The following MYO7B variants were observed in gnomAD, a reference collection of about 807,000 sequenced individuals.
The protein encoded by MYO7B is unconventional myosin-VIIb.
MYO7B carries 212 observed loss-of-function variants against 259.7 expected under a neutral mutation model. The observed-to-expected ratio is 0.82, with a 90% confidence interval of 0.73 to 0.91. The LOEUF (loss-of-function observed/expected upper bound fraction) is 0.91, where lower values mean the gene tolerates loss of function less well. Ranked by LOEUF, MYO7B falls within the 40% of genes least tolerant of loss-of-function variation. The pLI is 0.00. For synonymous variants in MYO7B, 1,197 were observed against 1,166.4 expected (o/e 1.03, Z -0.54); for missense variants, 2,732 against 2,813.5 (o/e 0.97, Z 0.66).
rs531705512 is a variant in MYO7B at position 127,571,988 on chromosome 2, C to T, written c.593-1932C>T. Among the ~76,000 whole-genome samples, 13 of 152,234 alleles carry T rather than the reference C, an allele frequency of 8.5e-5. No homozygotes were observed. The South Asian group carries it at 1.9e-3, about 22-fold the overall frequency. On this transcript the variant is annotated intron_variant, in intron 6 of 47. Coordinates refer to ENST00000409816, the MANE Select transcript of MYO7B (RefSeq NM_001393586.1). ...TTGTGTTGTATCTAAGAAATCTTTG[C>T]CTAACCCAGAGATTTTCTCCTATGT...
chr2:127,616,462 A>G (rs1206042686), intron 26 of MYO7B, among the ~76,000 whole-genome samples: 1 of 152,218 alleles, frequency 6.6e-6, no homozygotes, highest in African/African-American at 2.4e-5. Flanking sequence ...TCCCGGTTCA[A>G]AAACCCAAAG....
chr2:127,565,538 C>T lies in MYO7B; in HGVS notation c.285+153C>T, dbSNP rs190580950. 6.6e-5 allele frequency among the ~76,000 whole-genome samples: 10 copies of T among 152,330 alleles called. No homozygotes were observed. The East Asian group carries it at 1.7e-3, about 26-fold the overall frequency. ...GCCTAACTTTTCCCAATCTCTGCTGCCCAGTCCCAAACAAGGAGGGTGATC... is the reference window on the plus strand; with the variant it reads ...GCCTAACTTTTCCCAATCTCTGCTGTCCAGTCCCAAACAAGGAGGGTGATC... On this transcript the variant is annotated intron_variant, in intron 4 of 47. Coordinates refer to ENST00000409816, the MANE Select transcript of MYO7B (RefSeq NM_001393586.1).
intron 1 of MYO7B, among the ~76,000 whole-genome samples, chr2:127,542,827 A>G (rs538331097): frequency 6.6e-6 from 1 of 152,306 alleles, no homozygotes; most frequent in Non-Finnish European, 1.5e-5. Flanking sequence ...GGGAGAAGGT[A>G]GGCAGGAAAA....
At position 127,569,784 on chromosome 2, in the gene MYO7B, T is replaced by C. The variant is rs1275724384; in HGVS notation, c.471-5T>C. The C allele has an allele frequency of 6.2e-7, 1 of 1,609,662 alleles. No individual in the cohort carries two copies. Among genetic ancestry groups the C allele is most frequent in the Non-Finnish European group, 8.5e-7 (1 of 1,177,224 alleles). On this transcript the variant is annotated splice_region_variant and splice_polypyrimidine_tract_variant and intron_variant, in intron 5 of 47. Transcript: ENST00000409816. ...GCATCATGTCCCTGCACACCCTTTT[T>C]GCAGCGGCGAGTCTGGGGCTGGCAA...
chr2:127,596,362 A>C (rs2104989487), intron 18 of MYO7B, 100 bp from the exon 19 acceptor site: 1 of 963,674 alleles, frequency 1.0e-6, no homozygotes, highest in East Asian at 2.6e-5. Flanking sequence ...TCCTGGGAGA[A>C]GCCTGAGAGA....
chr2:127,589,841 G>T (rs1229674576), intron 15 of MYO7B, among the ~76,000 whole-genome samples: 3 of 128,708 alleles, frequency 2.3e-5, no homozygotes, highest in Non-Finnish European at 5.0e-5. Context: ...GGGTGAGTGG[G>T]TGGATGGGTG....
chr2:127,627,486 C>T lies in MYO7B; in HGVS notation c.4460+176C>T, dbSNP rs1288077209. ...TACTTCGGAGCCCCACCCTCCTGCA[C>T]CAGGCCGTACTGCCCATGAAGTACT... On this transcript the variant is annotated intron_variant, in intron 33 of 47. Transcript: ENST00000409816. This position sits in a 1 kb window ranked among gnomAD's most constrained non-coding sequence, Gnocchi z 5.6. The T allele has an allele frequency of 4.6e-6, 4 of 868,660 alleles. No homozygotes were observed. Among genetic ancestry groups the T allele is most frequent in the Admixed American group, 4.0e-5 (2 of 49,550 alleles). The allele number at this position is 868,660 out of a possible 1,614,324, so 53.8% of individuals were successfully genotyped here. A position where few individuals can be genotyped will look rare whatever the true frequency, so the allele number is the denominator to read the frequency against.
chr2:127,612,538 G>T lies in MYO7B; in HGVS notation c.3333G>T (p.Arg1111=). The T allele has an allele frequency of 6.3e-7, 1 of 1,591,190 alleles. No homozygotes were observed. The change falls in exon 26 of 48, where the codon CGG becomes CGT. Residue 1111 remains arginine (R), a synonymous_variant. Transcript: ENST00000409816. ...ALEPDGLGAD[R]PMSNLEKVHF... The stretch of plus-strand genomic sequence containing the variant: ...AGCCTGATGGCCTTGGTGCAGACCG[G>T]CCCATGTCCAACCTGGAGAAGGTGC...
At chr2:127,637,176 G>A (rs1681883401) in intron 47 of MYO7B, 140 bp from the exon 48 acceptor site, 2 of 889,698 alleles carry the variant, frequency 2.2e-6, no homozygotes, top group Non-Finnish European at 3.7e-6. Context: ...AGAAATGACG[G>A]CCCCAATGGC....
At position 127,539,193 on chromosome 2, in the gene MYO7B, G is replaced by A. The variant is rs1360168481; in HGVS notation, c.-24+3362G>A. Reference sequence around the variant, plus strand: ...ACTAAACAAAACAGAGTGATATGAGGCAGCTTACAGTATACCTATAATACA... The same window carrying A: ...ACTAAACAAAACAGAGTGATATGAGACAGCTTACAGTATACCTATAATACA... On this transcript the variant is annotated intron_variant, in intron 1 of 47. Coordinates refer to ENST00000409816, the MANE Select transcript of MYO7B (RefSeq NM_001393586.1). This position sits in a 1 kb window ranked among gnomAD's most constrained non-coding sequence, Gnocchi z 4.0. 6.6e-6 allele frequency among the ~76,000 whole-genome samples: 1 copy of A among 152,112 alleles called. No homozygotes were observed. The highest frequency in any genetic ancestry group is 6.6e-5 in the Admixed American group (1 of 15,264).
Position 127,631,295 on chromosome 2 carries a change from G to C in MYO7B, c.5027G>C (p.Arg1676Pro). The part of the protein sequence containing the change: ...HLWAYSCEPL[R>P]QPLLKRVHAN... Reference sequence around the variant, plus strand: ...TGGGCCTATTCCTGCGAGCCGCTGCGACAGCCGCTGCTCAAGCGAGTCCAC... The same window carrying C: ...TGGGCCTATTCCTGCGAGCCGCTGCCACAGCCGCTGCTCAAGCGAGTCCAC... Residue 1676 changes from arginine (R) to proline (P), a missense_variant, in exon 37 of 48, where the codon CGA (arginine) becomes CCA (proline). Arg to Pro is a moderately radical substitution (Grantham distance 103). Around this residue, in one of 3 missense-constraint regions of MYO7B, gnomAD observed 821 missense variants for 769.3 expected, o/e 1.07. Transcript: ENST00000409816. 1 of 1,612,194 alleles carries C rather than the reference G, an allele frequency of 6.2e-7. No individual in the cohort carries two copies. Among genetic ancestry groups the C allele is most frequent in the Non-Finnish European group, 8.5e-7 (1 of 1,179,458 alleles).
intron 19 of MYO7B, among the ~76,000 whole-genome samples, chr2:127,604,763 G>C (rs1486214732): frequency 2.0e-5 from 3 of 152,232 alleles, no homozygotes; most frequent in Non-Finnish European, 4.4e-5. Context: ...AGAAAAGAGA[G>C]AGAGATGGGG....
chr2:127,634,737 G>T, intron 42 of MYO7B, 54 bp downstream of exon 42: 1 of 1,471,850 alleles, frequency 6.8e-7, no homozygotes, highest in South Asian at 1.2e-5. Flanking sequence ...GGTCGAGGGG[G>T]CACTGGCGGC....
rs576975505 is a variant in MYO7B, at chr2:127,543,641, C to G, written c.-24+7810C>G. 3.3e-5 allele frequency among the ~76,000 whole-genome samples: 5 copies of G among 152,182 alleles called. No individual in the cohort carries two copies. The South Asian group carries it at 1.0e-3, about 32-fold the overall frequency. On this transcript the variant is annotated intron_variant, in intron 1 of 47. Coordinates refer to ENST00000409816, the MANE Select transcript of MYO7B (RefSeq NM_001393586.1). ...CTCCACCCCAATAAATTACAGTTAA[C>G]AGTTCAATATAATTACCTCCCCAGA...
intron 14 of MYO7B, among the ~76,000 whole-genome samples, chr2:127,588,047 C>T (rs548709384): frequency 2.6e-5 from 4 of 152,320 alleles, no homozygotes; most frequent in Admixed American, 6.5e-5. Context: ...CATGACACTG[C>T]CCCTCTCCTA....
At position 127,584,418 on chromosome 2, in the gene MYO7B, C is replaced by G. The variant is rs1679225055; in HGVS notation, c.1554+86C>G. On this transcript the variant is annotated intron_variant, in intron 13 of 47. Coordinates refer to ENST00000409816, the MANE Select transcript of MYO7B (RefSeq NM_001393586.1). This position sits in a 1 kb window ranked among gnomAD's most constrained non-coding sequence, Gnocchi z 5.8. ...GCTGGGAAACTCCATTTGGGTGGGC[C>G]ACTTGTTCTGAGAGTCACTAAAACC... The G allele has an allele frequency of 7.1e-7, 1 of 1,414,682 alleles. No individual in the cohort carries two copies. The highest frequency in any genetic ancestry group is 9.8e-7 in the Non-Finnish European group (1 of 1,022,488). The allele number at this position is 1,414,682 out of a possible 1,614,324, so 87.6% of individuals were successfully genotyped here. A position where few individuals can be genotyped will look rare whatever the true frequency, so the allele number is the denominator to read the frequency against.
chr2:127,551,544 A>G (rs977375713), intron 1 of MYO7B, among the ~76,000 whole-genome samples: 1 of 152,226 alleles, frequency 6.6e-6, no homozygotes, highest in Admixed American at 6.5e-5. Context: ...CAAATCACTA[A>G]GTCCACACTC....
At chr2:127,620,535 C>T (rs1369902199) in intron 27 of MYO7B, 69 bp downstream of exon 27, 1 of 1,404,804 alleles carries the variant, frequency 7.1e-7, no homozygotes, top group Non-Finnish European at 9.4e-7. Context: ...GGCCCCTGGC[C>T]CTGGAGCAGG....
Position 127,611,584 on chromosome 2 carries a change from G to C in MYO7B, c.3193-666G>C, listed in dbSNP as rs150313125. ...TGTGTTTCATGGCCAGCCCCTGCAC[G>C]GTAAACCAGCTTTGACGCACCCAGG... On this transcript the variant is annotated intron_variant, in intron 24 of 47. Coordinates refer to ENST00000409816, the MANE Select transcript of MYO7B (RefSeq NM_001393586.1). This position sits in a 1 kb window ranked among gnomAD's most constrained non-coding sequence, Gnocchi z 5.4. Among the ~76,000 whole-genome samples the C allele has an allele frequency of 1.3e-5, 2 of 152,148 alleles. No homozygotes were observed. Among genetic ancestry groups the C allele is most frequent in the Admixed American group, 6.5e-5 (1 of 15,274 alleles).
Sources: gnomAD v4.1 joint callset for allele counts (sites outside exome capture counted in the v4.1 genomes callset) on GRCh38, gnomAD v4.1.1 for gene constraint, gnomAD v4.1.1 regional missense constraint, Gnocchi (gnomAD v3.1) non-coding constraint, MANE v1.5 for transcripts, NCBI Gene and HGNC (gene_info 2026-07-23, HGNC 2026-07-21) for gene names.